DST: variants seen among roughly 807,000 people sequenced by gnomAD.
DST encodes the protein bullous pemphigoid antigen.
DST carries 253 observed loss-of-function variants against 875.2 expected under a neutral mutation model. That is an observed-to-expected ratio of 0.29 (90% CI 0.26 to 0.32). The LOEUF is 0.32. Ranked by LOEUF, DST falls within the 10% of genes least tolerant of loss-of-function variation. DST has a pLI of 1.00. For missense variants in DST, 8,287 were observed against 9,111.6 expected (o/e 0.91, Z 3.68); for synonymous variants, 3,124 against 3,197.1 (o/e 0.98, Z 0.77).
intron 4 of DST, among the ~76,000 whole-genome samples, chr6:56,767,614 C>CAAATAAATAAAT (rs148013834): frequency 2.1e-5 from 3 of 142,350 alleles, no homozygotes; most frequent in Non-Finnish European, 4.6e-5. Context: ...GACCCTGTCT[C>CAAATAAATAAAT]AAATAAATAA....
chr6:56,663,116 A>C (rs1287064957), intron 10 of DST, among the ~76,000 whole-genome samples: 1 of 152,244 alleles, frequency 6.6e-6, no homozygotes. Context: ...TTACATGCCA[A>C]ATTACATCTC....
At chr6:56,528,445 C>T (rs547506919) in intron 67 of DST, among the ~76,000 whole-genome samples, 2 of 152,136 alleles carry the variant, frequency 1.3e-5, no homozygotes, top group Admixed American at 6.5e-5. Flanking sequence ...GAAATGAAGC[C>T]CATGTATAGC....
rs146682396 is a variant in DST at position 56,517,202 on chromosome 6, A to G, written c.18353T>C (p.Met6118Thr). Residue 6118 changes from methionine to threonine, a missense_variant, in exon 71 of 104, where the codon ATG becomes ACG. By Grantham distance (81) the Met-to-Thr change is moderately conservative. This residue lies in a region of DST where 1,292 missense variants were observed against 1,552.7 expected (regional missense o/e 0.83). Transcript: ENST00000680361. ...AGTCCACAGACAAGATTATACCTTCATTGATTGCTTTTCCTCTTCACTGCA... is the reference window on the plus strand; with the variant it reads ...AGTCCACAGACAAGATTATACCTTCGTTGATTGCTTTTCCTCTTCACTGCA... ...TACSEEEKQS[M>T]KKKLDKVLKN... 1 of 1,611,124 alleles carries G rather than the reference A, an allele frequency of 6.2e-7. No homozygotes were observed. Among genetic ancestry groups the G allele is most frequent in the East Asian group, 2.2e-5 (1 of 44,854 alleles).
chr6:56,709,865 A>T (rs1251708293), intron 5 of DST, among the ~76,000 whole-genome samples: 2 of 152,154 alleles, frequency 1.3e-5, no homozygotes, highest in Non-Finnish European at 2.9e-5. Context: ...TTGCAGGTGG[A>T]GGGAGGAGCA....
In DST at chr6:56,463,121, T is replaced by G; in HGVS notation, c.22995A>C (p.Pro7665=). The change falls in exon 102 of 104, where the codon CCA becomes CCC. Residue 7665 remains proline (P), a synonymous_variant. Coordinates refer to ENST00000680361, the MANE Select transcript of DST (RefSeq NM_001374736.1). ...TTGACATTTTGCTGTTTGTCAACCA[T>G]GGTTTACCATAATTGCGTGTTAAAG... ...LHPLTRNYGK[P]WLTNSKMSTP... is the part of the protein sequence containing the mutation. 6.2e-7 allele frequency: 1 copy of G among 1,613,556 alleles called. No homozygotes were observed. The highest frequency in any genetic ancestry group is 8.5e-7 in the Non-Finnish European group (1 of 1,179,568).
chr6:56,466,009 G>A, intron 99 of DST, 69 bp downstream of exon 99: 1 of 1,276,544 alleles, frequency 7.8e-7, no homozygotes, highest in Non-Finnish European at 1.1e-6. Flanking sequence ...TGCCCAGTAT[G>A]TTTTGGTGCT....
At chr6:56,900,643 A>G in intron 2 of DST, 22 bp from the exon 3 acceptor site, 2 of 1,363,636 alleles carry the variant, frequency 1.5e-6, no homozygotes, top group Non-Finnish European at 2.0e-6. Flanking sequence ...AACACAACCA[A>G]GCAAATCCAG....
intron 4 of DST, among the ~76,000 whole-genome samples, chr6:56,768,593 G>C (rs1408308094): frequency 6.6e-6 from 1 of 151,938 alleles, no homozygotes; most frequent in Non-Finnish European, 1.5e-5. Flanking sequence ...TAAAACTTTA[G>C]GAAGATAACA....
chr6:56,824,764 GC>G (rs1211722629), intron 4 of DST, among the ~76,000 whole-genome samples: 7 of 151,048 alleles, frequency 4.6e-5, no homozygotes, highest in Non-Finnish European at 3.0e-5. Context: ...GAGTCCCTCC[GC>G]CCGGCAGCTG....
chr6:56,465,510 C>T (rs1320310176), intron 99 of DST, among the ~76,000 whole-genome samples: 1 of 152,122 alleles, frequency 6.6e-6, no homozygotes, highest in East Asian at 1.9e-4. Flanking sequence ...TAAAAGCTAA[C>T]TTAGGACTTG....
chr6:56,678,244 C>T (rs2099140207), intron 9 of DST, among the ~76,000 whole-genome samples: 1 of 152,198 alleles, frequency 6.6e-6, no homozygotes, highest in Admixed American at 6.5e-5. Context: ...TTCATTTCAG[C>T]CAGTCATACA....
At chr6:56,924,950 T>C (rs1806241142) in intron 2 of DST, among the ~76,000 whole-genome samples, 1 of 152,180 alleles carries the variant, frequency 6.6e-6, no homozygotes, top group South Asian at 2.1e-4. Context: ...TCCTGTGCTA[T>C]GGAAATTTAC....
intron 4 of DST, among the ~76,000 whole-genome samples, chr6:56,823,574 C>A (rs1357304787): frequency 6.6e-6 from 1 of 152,150 alleles, no homozygotes; most frequent in Admixed American, 6.5e-5. Context: ...CCACACCCAG[C>A]TCATTTTTGT....
In DST at chr6:56,584,073, C is replaced by T. The variant is rs574197338; in HGVS notation, c.12904-5136G>A. Among the ~76,000 whole-genome samples, 383 of 152,128 alleles carry T rather than the reference C, an allele frequency of 2.5e-3. 4 individuals carry two copies. The South Asian group carries it at 0.026, about 10-fold the overall frequency. On this transcript the variant is annotated intron_variant, in intron 49 of 103. Transcript: ENST00000680361. Reference sequence around the variant, plus strand: ...TTGGCTTAGGATTGACTTGGCGATGCGGGCTCTTTTTTGGTTCCATATGAA... The same window carrying T: ...TTGGCTTAGGATTGACTTGGCGATGTGGGCTCTTTTTTGGTTCCATATGAA...
chr6:56,586,238 T>C (rs1402831302), intron 49 of DST, among the ~76,000 whole-genome samples: 5 of 151,374 alleles, frequency 3.3e-5, no homozygotes, highest in Non-Finnish European at 7.4e-5. Context: ...TCTAAGTCTC[T>C]TTGTAGGTCA....
chr6:56,630,702 G>A (rs927752596), intron 30 of DST, among the ~76,000 whole-genome samples: 22 of 151,918 alleles, frequency 1.4e-4, no homozygotes, highest in African/African-American at 5.1e-4. Context: ...AATGTGGGAG[G>A]ACCATACATT....
chr6:56,777,678 G>C (rs1269555604), intron 4 of DST, among the ~76,000 whole-genome samples: 1 of 151,888 alleles, frequency 6.6e-6, no homozygotes, highest in Non-Finnish European at 1.5e-5. Flanking sequence ...TGAATCATTA[G>C]AAATAGGAAA....
rs1276749237 is a variant in DST at position 56,608,303 on chromosome 6, C to T, written c.6325G>A (p.Ala2109Thr). The T allele has an allele frequency of 6.2e-7, 1 of 1,613,354 alleles. No individual in the cohort carries two copies. The highest frequency in any genetic ancestry group is 8.5e-7 in the Non-Finnish European group (1 of 1,179,784). The part of the protein sequence containing the change: ...KILNGRQKIA[A>T]LYIPESSQVI... ...TGAGAACTTTCTGGAATATAAAGAGCAGCTATTTTTTGTCTGCCATTCAGG... is the reference window on the plus strand; with the variant it reads ...TGAGAACTTTCTGGAATATAAAGAGTAGCTATTTTTTGTCTGCCATTCAGG... Residue 2109 changes from alanine (A) to threonine (T), a missense_variant, in exon 40 of 104, where the codon GCT (alanine) becomes ACT (threonine). Physicochemically the swap from Ala to Thr is moderately conservative, Grantham distance 58 (BLOSUM62 0). Coordinates refer to ENST00000680361, the MANE Select transcript of DST (RefSeq NM_001374736.1).
intron 50 of DST, among the ~76,000 whole-genome samples, chr6:56,576,056 G>A (rs1277992618): frequency 6.6e-6 from 1 of 152,144 alleles, no homozygotes; most frequent in Non-Finnish European, 1.5e-5. Context: ...GCTGAAGATT[G>A]AGCTGCTACC....
Sources: gnomAD v4.1 joint callset for allele counts (sites outside exome capture counted in the v4.1 genomes callset) on GRCh38, gnomAD v4.1.1 for gene constraint, gnomAD v4.1.1 regional missense constraint, MANE v1.5 for transcripts, NCBI Gene and HGNC (gene_info 2026-07-23, HGNC 2026-07-21) for gene names.